Variants in TLL2 observed in about 807,000 individuals in gnomAD.
TLL2 encodes the protein tolloid-like protein 2.
Under a neutral mutation model 123.0 loss-of-function variants are expected in TLL2, and 106 were observed. That is an observed-to-expected ratio of 0.86 (90% confidence interval 0.74 to 1.01). The LOEUF is 1.01. Among genes scored for constraint, TLL2 ranks in the 50% least tolerant of loss-of-function variants. The pLI is 0.00. For missense variants in TLL2, 1,332 were observed against 1,336.7 expected (o/e 1.00, Z 0.06); for synonymous variants, 494 against 516.8 (o/e 0.96, Z 0.60).
At chr10:96,470,070 C>T (rs546663542) in intron 2 of TLL2, among the ~76,000 whole-genome samples, 18 of 152,248 alleles carry the variant, frequency 1.2e-4, no homozygotes, top group Middle Eastern at 3.4e-3. Flanking sequence ...AAGCTCTCCC[C>T]GGCTTGCAGA....
At chr10:96,505,107 T>C (rs1470926738) in intron 1 of TLL2, among the ~76,000 whole-genome samples, 1 of 152,270 alleles carries the variant, frequency 6.6e-6, no homozygotes, top group East Asian at 1.9e-4. Flanking sequence ...GACTCGCAGT[T>C]CTGCATGGAG....
At chr10:96,482,242 A>C (rs1049635799) in intron 1 of TLL2, among the ~76,000 whole-genome samples, 2 of 150,844 alleles carry the variant, frequency 1.3e-5, no homozygotes, top group East Asian at 3.9e-4. Flanking sequence ...TGGGCGACAG[A>C]GCGAGACTAC....
At chr10:96,442,602 C>A (rs141607153) in intron 3 of TLL2, among the ~76,000 whole-genome samples, 1 of 152,182 alleles carries the variant, frequency 6.6e-6, no homozygotes, top group African/African-American at 2.4e-5. Context: ...ATTCCTTATC[C>A]GCTTCGAACA....
intron 13 of TLL2, among the ~76,000 whole-genome samples, chr10:96,391,748 T>C (rs1013578271): frequency 6.6e-6 from 1 of 152,244 alleles, no homozygotes; most frequent in African/African-American, 2.4e-5. Flanking sequence ...TTTCTGTTAA[T>C]CCTGATTCCT....
intron 2 of TLL2, among the ~76,000 whole-genome samples, chr10:96,467,385 C>T (rs1429038567): frequency 1.3e-5 from 2 of 152,134 alleles, no homozygotes; most frequent in African/African-American, 4.8e-5. Flanking sequence ...GCCACCACAC[C>T]TGGCTATTTA....
chr10:96,473,270 C>T (rs112973043), intron 2 of TLL2, among the ~76,000 whole-genome samples: 5 of 152,166 alleles, frequency 3.3e-5, no homozygotes, highest in East Asian at 1.9e-4. Context: ...GCCTGGCCAA[C>T]GTGGTGAAAC....
At chr10:96,389,994 T>C (rs2134060062) in intron 13 of TLL2, among the ~76,000 whole-genome samples, 1 of 152,356 alleles carries the variant, frequency 6.6e-6, no homozygotes, top group Admixed American at 6.5e-5. Flanking sequence ...AAGCAGCACC[T>C]GCTCCAAGCC....
chr10:96,368,293 C>T, intron 20 of TLL2, 71 bp from the exon 21 acceptor site: 1 of 1,568,182 alleles, frequency 6.4e-7, no homozygotes. Flanking sequence ...GAGGATGGGA[C>T]AGGATCTTAT....
chr10:96,432,751 A>G (rs1846757416), intron 4 of TLL2, 56 bp downstream of exon 4: 2 of 1,583,558 alleles, frequency 1.3e-6, no homozygotes, highest in African/African-American at 2.7e-5. Flanking sequence ...GGACTCTCTC[A>G]ACCCAGGGAG....
chr10:96,395,046 A>G (rs1846323933), intron 13 of TLL2, 141 bp downstream of exon 13: 2 of 860,844 alleles, frequency 2.3e-6, no homozygotes, highest in Admixed American at 6.3e-5. Flanking sequence ...GCTCACACCC[A>G]GCTCTGAAAT....
intron 3 of TLL2, among the ~76,000 whole-genome samples, chr10:96,444,602 TA>T (rs1387057763): frequency 1.3e-5 from 2 of 152,042 alleles, no homozygotes; most frequent in African/African-American, 2.4e-5. Context: ...TGGAGAAAAA[TA>T]TGAAGGCTGT....
chr10:96,462,479 T>C (rs575159369), intron 2 of TLL2, among the ~76,000 whole-genome samples: 1 of 152,256 alleles, frequency 6.6e-6, no homozygotes, highest in African/African-American at 2.4e-5. Context: ...GGCTGGGAAG[T>C]CCAAGTTCAC....
intron 2 of TLL2, among the ~76,000 whole-genome samples, chr10:96,476,324 G>A (rs1847251605): frequency 1.3e-5 from 2 of 148,362 alleles, no homozygotes; most frequent in African/African-American, 2.5e-5. Context: ...ATCTTGGCTA[G>A]TGAAATCGTA....
chr10:96,450,204 C>T (rs560508069), intron 2 of TLL2, among the ~76,000 whole-genome samples: 123 of 147,240 alleles, frequency 8.4e-4, no homozygotes, highest in African/African-American at 3.0e-3. Context: ...GATGGATGGA[C>T]ATACGAGTCA....
chr10:96,513,700 G>T lies in TLL2; in HGVS notation c.-15C>A. 1 of 1,500,524 alleles carries T rather than the reference G, an allele frequency of 6.7e-7. No individual in the cohort carries two copies. The highest frequency in any genetic ancestry group is 2.1e-5 in the Admixed American group (1 of 47,666). The allele number at this position is 1,500,524 out of a possible 1,614,324, so 93.0% of individuals were successfully genotyped here. A position where few individuals can be genotyped will look rare whatever the true frequency, so the allele number is the denominator to read the frequency against. ...GCCCGGGGCATGGTGGCGCGGGGCC[G>T]GCTGGGGCAGAGGGAGTTGCGTGCA... On this transcript the variant is annotated 5_prime_UTR_variant, in exon 1 of 21. Coordinates refer to ENST00000357947, the MANE Select transcript of TLL2 (RefSeq NM_012465.4).
In TLL2 at chr10:96,453,094, G is replaced by C. The variant is rs933670596; in HGVS notation, c.287-6926C>G. ...AAATGGGAATGCTTATACACTCCTGGTGAAGGAGGACTATAAATTGGTAAC... is the reference window on the plus strand; with the variant it reads ...AAATGGGAATGCTTATACACTCCTGCTGAAGGAGGACTATAAATTGGTAAC... On this transcript the variant is annotated intron_variant, in intron 2 of 20. Coordinates refer to ENST00000357947, the MANE Select transcript of TLL2 (RefSeq NM_012465.4). Among the ~76,000 whole-genome samples, 9 of 152,140 alleles carry C rather than the reference G, an allele frequency of 5.9e-5. No individual in the cohort carries two copies. The East Asian group carries it at 1.7e-3, about 29-fold the overall frequency.
At chr10:96,384,548 C>T in intron 16 of TLL2, 39 bp downstream of exon 16, 2 of 1,512,262 alleles carry the variant, frequency 1.3e-6, no homozygotes, top group Non-Finnish European at 8.9e-7. Context: ...AAAGCCGCCT[C>T]ACTCGCGCTG....
chr10:96,378,370 T>C (rs917341652), intron 17 of TLL2, among the ~76,000 whole-genome samples: 1 of 152,038 alleles, frequency 6.6e-6, no homozygotes, highest in African/African-American at 2.4e-5. Context: ...TTTTCCAGGA[T>C]GACTGGACAG....
chr10:96,402,831 T>C (rs1846408963), intron 10 of TLL2, among the ~76,000 whole-genome samples: 1 of 152,210 alleles, frequency 6.6e-6, no homozygotes, highest in African/African-American at 2.4e-5. Context: ...TCTTCTGACC[T>C]ACCTCAGCCT....
Sources: allele counts gnomAD v4.1 joint callset (sites outside exome capture counted in the v4.1 genomes callset), GRCh38; gene constraint gnomAD v4.1.1; transcripts MANE v1.5; gene names NCBI Gene and HGNC (gene_info 2026-07-23, HGNC 2026-07-21).